CD96: variants seen among roughly 807,000 people sequenced by gnomAD.
CD96 encodes the protein T-cell surface protein tactile.
Under a neutral mutation model 71.3 loss-of-function variants are expected in CD96, and 70 were observed. The ratio of observed to expected loss-of-function variants is 0.98; its 90% CI spans 0.81 to 1.20. CD96 has a LOEUF of 1.20. Ranked by LOEUF, CD96 falls within the 50% of genes most tolerant of loss-of-function variation. The probability of loss-of-function intolerance (pLI) is 0.00; values close to 1 mark genes in which losing one functional copy is unlikely to be tolerated. For synonymous variants in CD96, 248 were observed against 233.0 expected, an observed-to-expected ratio of 1.06 and a Z score of -0.59; for missense variants, 742 against 677.5, an observed-to-expected ratio of 1.10 and a Z score of -1.06.
At chr3:111,664,156 A>G (rs981066342) in intron 14 of CD96, among the ~76,000 whole-genome samples, 2 of 151,270 alleles carry the variant, frequency 1.3e-5, no homozygotes, top group African/African-American at 4.9e-5. Flanking sequence ...CAATCACATT[A>G]TTGGGTGTAT....
intron 8 of CD96, among the ~76,000 whole-genome samples, chr3:111,618,455 T>A (rs1670896116): frequency 3.3e-5 from 5 of 152,098 alleles, no homozygotes; most frequent in Admixed American, 2.6e-4. Context: ...ACTCATACTG[T>A]CCAGTTTGAG....
chr3:111,598,064 A>G (rs1164723483), intron 5 of CD96, 56 bp from the exon 6 acceptor site: 3 of 805,000 alleles, frequency 3.7e-6, no homozygotes, highest in Non-Finnish European at 4.5e-6. Flanking sequence ...GTAAGTTGTA[A>G]GGAGTACCAG....
chr3:111,658,662 A>T (rs1478732101), intron 14 of CD96, among the ~76,000 whole-genome samples: 1 of 152,224 alleles, frequency 6.6e-6, no homozygotes, highest in Non-Finnish European at 1.5e-5. Context: ...TAATATCATC[A>T]GTGAGAGAGA....
rs921070095 is a variant in CD96, at chr3:111,650,875, A to C, written c.*1069A>C. On this transcript the variant is annotated 3_prime_UTR_variant, in exon 14 of 14. Transcript: ENST00000352690. The stretch of plus-strand genomic sequence containing the variant: ...TTACTAATCCTCCTTGTCGCTTGAA[A>C]CCTTCCCACACTCCCTGCTCCAGGA... The C allele has an allele frequency of 6.6e-5, 10 of 152,062 alleles. No homozygotes were observed. Among genetic ancestry groups the C allele is most frequent in the African/African-American group, 2.4e-5 (1 of 41,388 alleles). The allele number at this position is 152,062 out of a possible 1,614,324, so 9.4% of individuals were successfully genotyped here.
rs377193610 is a variant in CD96 at position 111,585,465 on chromosome 3, G to A, written c.807+87G>A. The A allele has an allele frequency of 8.2e-6, 7 of 855,148 alleles. No homozygotes were observed. In the African/African-American group the frequency reaches 1.2e-4, roughly 14 times the overall value. 53.0% of individuals were successfully genotyped at this position (855,148 alleles called of 1,614,324 possible). A position where few individuals can be genotyped will look rare whatever the true frequency, so the allele number is the denominator to read the frequency against. On this transcript the variant is annotated intron_variant, in intron 5 of 13. Coordinates refer to ENST00000352690, the MANE Select transcript of CD96 (RefSeq NM_005816.5). Reference sequence around the variant, plus strand: ...TAGTTGCCAGGAATGTTCTCTCAAAGAACTTTACTCCTTGGCCCTTGACCA... The same window carrying A: ...TAGTTGCCAGGAATGTTCTCTCAAAAAACTTTACTCCTTGGCCCTTGACCA...
At chr3:111,612,093 A>G (rs1331227681) in intron 8 of CD96, among the ~76,000 whole-genome samples, 2 of 152,252 alleles carry the variant, frequency 1.3e-5, no homozygotes, top group Non-Finnish European at 1.5e-5. Flanking sequence ...TGATCTGAAC[A>G]ACAAATAGCC....
At chr3:111,591,302 G>A (rs1012124181) in intron 5 of CD96, among the ~76,000 whole-genome samples, 11 of 151,166 alleles carry the variant, frequency 7.3e-5, no homozygotes, top group African/African-American at 2.7e-4. Context: ...GAACCCAGGA[G>A]GCGGAGGTTG....
At chr3:111,665,355 C>A (rs780632486) in intron 14 of CD96, among the ~76,000 whole-genome samples, 59 of 152,108 alleles carry the variant, frequency 3.9e-4, no homozygotes, top group Non-Finnish European at 7.9e-4. Flanking sequence ...AAGACTGCAA[C>A]CTTTTTACAG....
intron 2 of CD96, among the ~76,000 whole-genome samples, chr3:111,559,123 G>A (rs1448051335): frequency 2.3e-4 from 34 of 149,790 alleles, no homozygotes; most frequent in African/African-American, 4.7e-4. Context: ...TCTTGCTAGC[G>A]GTCTATCAAT....
intron 2 of CD96, among the ~76,000 whole-genome samples, chr3:111,546,229 A>G (rs1421859495): frequency 6.6e-6 from 1 of 152,198 alleles, no homozygotes; most frequent in Non-Finnish European, 1.5e-5. Context: ...GAAAGAAGTT[A>G]AAGGTGACAT....
At chr3:111,580,976 C>T (rs565936807) in intron 4 of CD96, among the ~76,000 whole-genome samples, 2 of 152,302 alleles carry the variant, frequency 1.3e-5, no homozygotes, top group East Asian at 1.9e-4. Context: ...TTGATCAAGA[C>T]TTTTTGCATC....
intron 3 of CD96, chr3:111,570,569 C>T (rs1026259559): frequency 9.1e-5 from 130 of 1,428,146 alleles, no homozygotes; most frequent in Non-Finnish European, 1.2e-4. Flanking sequence ...TCAGGGGGCA[C>T]TAGATCCTTG....
intron 3 of CD96, among the ~76,000 whole-genome samples, chr3:111,571,363 C>T (rs1368474880): frequency 6.6e-6 from 1 of 151,338 alleles, no homozygotes; most frequent in East Asian, 1.9e-4. Context: ...TCATTGTTCT[C>T]ATATTAAATT....
intron 2 of CD96, among the ~76,000 whole-genome samples, chr3:111,547,909 C>T (rs924552593): frequency 1.3e-5 from 2 of 152,126 alleles, no homozygotes; most frequent in Admixed American, 6.6e-5. Flanking sequence ...AAGCCTGGTA[C>T]GGAGCTACAG....
At chr3:111,631,410 G>T (rs1417931795) in intron 10 of CD96, among the ~76,000 whole-genome samples, 1 of 152,012 alleles carries the variant, frequency 6.6e-6, no homozygotes, top group Non-Finnish European at 1.5e-5. Context: ...CCACAAAAAA[G>T]AATAAAATAC....
At chr3:111,660,408 A>G (rs1159947096) in intron 14 of CD96, among the ~76,000 whole-genome samples, 1 of 152,250 alleles carries the variant, frequency 6.6e-6, no homozygotes, top group African/African-American at 2.4e-5. Flanking sequence ...CATAGATTGG[A>G]ATAATCAATA....
rs1306078999 is a variant in CD96 at position 111,651,888 on chromosome 3, A to G, written c.*2082A>G. On this transcript the variant is annotated 3_prime_UTR_variant, in exon 14 of 14. Coordinates refer to ENST00000352690, the MANE Select transcript of CD96 (RefSeq NM_005816.5). ...GAAAGACCGAGACTCCGCCTCAAAA[A>G]AAAAAAAAAAAGAAAGAAAGAAAGA... 2.7e-5 allele frequency: 4 copies of G among 148,464 alleles called. No homozygotes were observed. Among genetic ancestry groups the G allele is most frequent in the Non-Finnish European group, 5.9e-5 (4 of 67,550 alleles). The allele number at this position is 148,464 out of a possible 1,614,324, so 9.2% of individuals were successfully genotyped here.
chr3:111,644,634 A>G (rs1438882604), intron 12 of CD96, among the ~76,000 whole-genome samples: 1 of 151,862 alleles, frequency 6.6e-6, no homozygotes, highest in Non-Finnish European at 1.5e-5. Context: ...AAGAACTACT[A>G]TCCAGAATCT....
At chr3:111,642,915 C>G (rs1939657863) in intron 12 of CD96, among the ~76,000 whole-genome samples, 1 of 138,692 alleles carries the variant, frequency 7.2e-6, no homozygotes, top group South Asian at 2.2e-4. Flanking sequence ...TGGTACCAAT[C>G]CTATTGACAC....
Sources: allele counts gnomAD v4.1 joint callset (sites outside exome capture counted in the v4.1 genomes callset), GRCh38; gene constraint gnomAD v4.1.1; transcripts MANE v1.5; gene names NCBI Gene and HGNC (gene_info 2026-07-23, HGNC 2026-07-21).